Variants in PLCB1 observed in about 807,000 individuals in gnomAD.
PLCB1 encodes 1-phosphatidylinositol 4,5-bisphosphate phosphodiesterase beta-1.
A neutral mutation model predicts 161.8 loss-of-function variants in PLCB1; 46 were observed. The observed-to-expected ratio is 0.28, with a 90% CI of 0.22 to 0.36. The LOEUF (loss-of-function observed/expected upper bound fraction) is 0.36, where lower values mean the gene tolerates loss of function less well. Among genes scored for constraint, PLCB1 ranks in the 10% least tolerant of loss-of-function variants. The pLI, the probability that PLCB1 is intolerant of heterozygous loss-of-function variation, is 1.00. For synonymous variants in PLCB1, 517 were observed against 503.7 expected (o/e 1.03, Z -0.35); for missense variants, 1,016 against 1,472.5 (o/e 0.69, Z 5.07).
intron 3 of PLCB1, among the ~76,000 whole-genome samples, chr20:8,406,600 G>A (rs939149560): frequency 6.6e-6 from 1 of 152,164 alleles, no homozygotes; most frequent in Non-Finnish European, 1.5e-5. Flanking sequence ...TTGCCTTCCA[G>A]TATTCCAAGG....
At chr20:8,412,779 C>T (rs144331767) in intron 3 of PLCB1, among the ~76,000 whole-genome samples, 2,586 of 151,966 alleles carry the variant, frequency 0.017, 60 homozygotes, top group African/African-American at 0.054. Flanking sequence ...TTGGTTTGGC[C>T]TTGATTTTTA....
At chr20:8,610,291 C>T (rs935849049) in intron 3 of PLCB1, among the ~76,000 whole-genome samples, 2 of 152,134 alleles carry the variant, frequency 1.3e-5, no homozygotes, top group Non-Finnish European at 2.9e-5. Context: ...CAAGGTTAAT[C>T]CATGTTGTAG....
chr20:8,620,109 A>G (rs773473697), intron 3 of PLCB1, among the ~76,000 whole-genome samples: 2 of 152,178 alleles, frequency 1.3e-5, no homozygotes, highest in Admixed American at 6.5e-5. Context: ...GTCACCTTAC[A>G]GCATTAGTGT....
chr20:8,517,114 G>A (rs1984163254), intron 3 of PLCB1, among the ~76,000 whole-genome samples: 1 of 152,026 alleles, frequency 6.6e-6, no homozygotes, highest in Non-Finnish European at 1.5e-5. Flanking sequence ...ATGACATTGG[G>A]CTGCATTCGG....
intron 3 of PLCB1, among the ~76,000 whole-genome samples, chr20:8,417,125 C>T (rs1458091335): frequency 9.2e-6 from 1 of 109,288 alleles, no homozygotes. Flanking sequence ...CTCACTCTGT[C>T]GCCCAGGCTG....
rs1352689014 is a variant in PLCB1 at position 8,829,979 on chromosome 20, A to C, written c.3423+39718A>C. On this transcript the variant is annotated intron_variant, in intron 31 of 31. Transcript: ENST00000338037. Reference sequence around the variant, plus strand: ...TTGATAATTGCTTCAGATTGTCTACATATATAATCCTAAATCTCTTTTCAA... The same window carrying C: ...TTGATAATTGCTTCAGATTGTCTACCTATATAATCCTAAATCTCTTTTCAA... 2.6e-5 allele frequency among the ~76,000 whole-genome samples: 4 copies of C among 152,332 alleles called. No individual in the cohort carries two copies. The East Asian group carries it at 7.7e-4, about 29-fold the overall frequency.
chr20:8,807,465 A>G (rs932596509), intron 31 of PLCB1, among the ~76,000 whole-genome samples: 1 of 152,220 alleles, frequency 6.6e-6, no homozygotes, highest in African/African-American at 2.4e-5. Context: ...TTAGTATTTT[A>G]CTTATCAATA....
intron 3 of PLCB1, among the ~76,000 whole-genome samples, chr20:8,471,287 A>G (rs1262266216): frequency 2.0e-5 from 3 of 152,208 alleles, no homozygotes; most frequent in Non-Finnish European, 4.4e-5. Flanking sequence ...GTAAATAGAC[A>G]TTGTAAGTGT....
At chr20:8,869,250 T>C (rs1205627108) in intron 31 of PLCB1, among the ~76,000 whole-genome samples, 1 of 152,178 alleles carries the variant, frequency 6.6e-6, no homozygotes, top group Admixed American at 6.5e-5. Context: ...GCAGGTTATT[T>C]ATCATTTTTG....
At chr20:8,157,695 C>T (rs989623908) in intron 2 of PLCB1, among the ~76,000 whole-genome samples, 7 of 152,156 alleles carry the variant, frequency 4.6e-5, no homozygotes, top group Non-Finnish European at 8.8e-5. Flanking sequence ...ACAAGTTCTT[C>T]TTAGAGGATG....
At chr20:8,483,211 A>G (rs1353770197) in intron 3 of PLCB1, among the ~76,000 whole-genome samples, 4 of 152,188 alleles carry the variant, frequency 2.6e-5, no homozygotes, top group Non-Finnish European at 5.9e-5. Flanking sequence ...TTAAGACAAA[A>G]CCTGAGTCTT....
At chr20:8,495,559 G>T (rs1983131998) in intron 3 of PLCB1, among the ~76,000 whole-genome samples, 1 of 84,658 alleles carries the variant, frequency 1.2e-5, no homozygotes, top group Non-Finnish European at 3.0e-5. Context: ...CACCATGGCC[G>T]GCTAATTTTT....
At chr20:8,510,383 C>CTTTTT (rs11479098) in intron 3 of PLCB1, among the ~76,000 whole-genome samples, 18 of 119,738 alleles carry the variant, frequency 1.5e-4, no homozygotes, top group East Asian at 7.1e-4. Flanking sequence ...TTTTCTTTTT[C>CTTTTT]TTTTTTTTTT....
intron 3 of PLCB1, among the ~76,000 whole-genome samples, chr20:8,384,286 G>T (rs1293616614): frequency 2.6e-5 from 4 of 151,602 alleles, no homozygotes; most frequent in Non-Finnish European, 5.9e-5. Flanking sequence ...TTCAAACTCT[G>T]ATATCCTTTC....
At chr20:8,847,294 C>T (rs1986723497) in intron 31 of PLCB1, among the ~76,000 whole-genome samples, 1 of 152,134 alleles carries the variant, frequency 6.6e-6, no homozygotes, top group Admixed American at 6.6e-5. Flanking sequence ...TTCTACTTCC[C>T]ACCCACTCCT....
At chr20:8,216,046 T>A (rs1324956784) in intron 2 of PLCB1, among the ~76,000 whole-genome samples, 1 of 151,930 alleles carries the variant, frequency 6.6e-6, no homozygotes, top group Non-Finnish European at 1.5e-5. Flanking sequence ...TGTTGAGGAG[T>A]TTGTTAAAAT....
At chr20:8,590,858 G>A (rs1437240305) in intron 3 of PLCB1, among the ~76,000 whole-genome samples, 4 of 151,946 alleles carry the variant, frequency 2.6e-5, no homozygotes, top group East Asian at 1.9e-4. Flanking sequence ...TGTGCAGGAC[G>A]TGCAGGTTTG....
At chr20:8,161,782 A>AC (rs965082635) in intron 2 of PLCB1, among the ~76,000 whole-genome samples, 2 of 147,802 alleles carry the variant, frequency 1.4e-5, no homozygotes, top group African/African-American at 2.5e-5. Context: ...AGAACATTGG[A>AC]CTTTTTTTTT....
intron 11 of PLCB1, among the ~76,000 whole-genome samples, chr20:8,701,617 T>C (rs565597028): frequency 6.6e-6 from 1 of 152,344 alleles, no homozygotes; most frequent in East Asian, 1.9e-4. Flanking sequence ...CCTTGTTTAT[T>C]GTCCCTTCTA....
Sources: gnomAD v4.1 joint callset for allele counts (sites outside exome capture counted in the v4.1 genomes callset) on GRCh38, gnomAD v4.1.1 for gene constraint, MANE v1.5 for transcripts, NCBI Gene and HGNC (gene_info 2026-07-23, HGNC 2026-07-21) for gene names.